The following CDH8 variants were observed in gnomAD, a reference collection of about 807,000 sequenced individuals.
The protein encoded by CDH8 is cadherin-8.
Under a neutral mutation model 68.1 loss-of-function variants are expected in CDH8, and 17 were observed. The ratio of observed to expected loss-of-function variants is 0.25; its 90% CI spans 0.17 to 0.37. The LOEUF is 0.37. Ranked by LOEUF, CDH8 falls within the 10% of genes least tolerant of loss-of-function variation. The probability of loss-of-function intolerance (pLI) is 1.00; values close to 1 mark genes in which losing one functional copy is unlikely to be tolerated. For synonymous variants in CDH8, 372 were observed against 365.1 expected (o/e 1.02, Z -0.21); for missense variants, 763 against 999.3 (o/e 0.76, Z 3.19).
rs2150594577 is a variant in CDH8 at position 61,998,467 on chromosome 16, G to A, written c.252+22685C>T. On this transcript the variant is annotated intron_variant, in intron 2 of 11. Transcript: ENST00000577390. ...GGAAGAATTGGGTATTTTAACATAGGACTGTTTGCATCCAAGACTCTTCGA... is the reference window on the plus strand; with the variant it reads ...GGAAGAATTGGGTATTTTAACATAGAACTGTTTGCATCCAAGACTCTTCGA... Among the ~76,000 whole-genome samples, 3 of 152,230 alleles carry A rather than the reference G, an allele frequency of 2.0e-5. No homozygotes were observed. The Middle Eastern group carries it at 0.01, about 518-fold the overall frequency.
chr16:61,977,772 C>T (rs375065305), intron 2 of CDH8, among the ~76,000 whole-genome samples: 5 of 152,058 alleles, frequency 3.3e-5, no homozygotes, highest in African/African-American at 9.7e-5. Context: ...ATTGGATAAA[C>T]GATGTCCAAA....
At chr16:61,769,347 A>G (rs1320587140) in intron 8 of CDH8, among the ~76,000 whole-genome samples, 1 of 151,868 alleles carries the variant, frequency 6.6e-6, no homozygotes, top group African/African-American at 2.4e-5. Context: ...TACATGCATT[A>G]TACAACAACA....
At chr16:61,886,188 A>G (rs1305681050) in intron 3 of CDH8, among the ~76,000 whole-genome samples, 1 of 152,210 alleles carries the variant, frequency 6.6e-6, no homozygotes, top group Non-Finnish European at 1.5e-5. Context: ...GTTTGAAGAT[A>G]TCTACTACCT....
chr16:61,847,068 A>G (rs1433955060), intron 4 of CDH8, among the ~76,000 whole-genome samples: 1 of 152,102 alleles, frequency 6.6e-6, no homozygotes, highest in Non-Finnish European at 1.5e-5. Flanking sequence ...CATTTTTGAA[A>G]TCCAGCATCT....
chr16:61,725,016 A>G (rs1959308355), intron 9 of CDH8: 1 of 150,908 alleles, frequency 6.6e-6, no homozygotes, highest in African/African-American at 2.4e-5. Flanking sequence ...TCAGTCAGCC[A>G]TATGTCCAAA....
intron 2 of CDH8, among the ~76,000 whole-genome samples, chr16:61,924,258 G>A (rs1235972809): frequency 1.3e-5 from 2 of 151,936 alleles, no homozygotes; most frequent in African/African-American, 4.8e-5. Context: ...AACATTTTTT[G>A]GGACTTTTGA....
intron 2 of CDH8, among the ~76,000 whole-genome samples, chr16:61,950,584 T>G (rs1964878233): frequency 6.6e-6 from 1 of 152,206 alleles, no homozygotes; most frequent in South Asian, 2.1e-4. Flanking sequence ...GTCTTAACTT[T>G]CCTTTGAAAA....
chr16:61,660,520 G>A (rs1016874476), intron 10 of CDH8, among the ~76,000 whole-genome samples: 5 of 151,858 alleles, frequency 3.3e-5, no homozygotes, highest in Non-Finnish European at 1.5e-5. Flanking sequence ...TAGGGGAAGA[G>A]AAGGAGAAAG....
At chr16:61,659,821 C>T (rs1963521629) in intron 10 of CDH8, among the ~76,000 whole-genome samples, 1 of 152,122 alleles carries the variant, frequency 6.6e-6, no homozygotes, top group African/African-American at 2.4e-5. Context: ...GCCTCTGGAG[C>T]CCACTTGGGT....
chr16:61,901,168 A>G lies in CDH8; in HGVS notation c.547+11T>C. Reference sequence around the variant, plus strand: ...CTTTTAATAGATCTGTGAAATTGGAAGCATACATACCCAAAATGGACATTT... The same window carrying G: ...CTTTTAATAGATCTGTGAAATTGGAGGCATACATACCCAAAATGGACATTT... On this transcript the variant is annotated intron_variant, in intron 3 of 11. Coordinates refer to ENST00000577390, the MANE Select transcript of CDH8 (RefSeq NM_001796.5). 2 of 1,608,190 alleles carry G rather than the reference A, an allele frequency of 1.2e-6. No individual in the cohort carries two copies. Among genetic ancestry groups the G allele is most frequent in the Non-Finnish European group, 1.7e-6 (2 of 1,176,660 alleles).
intron 5 of CDH8, among the ~76,000 whole-genome samples, chr16:61,824,548 G>A (rs537987311): frequency 6.6e-6 from 1 of 152,002 alleles, no homozygotes; most frequent in African/African-American, 2.4e-5. Flanking sequence ...GCAGGGAAGA[G>A]TGGAGTCTTA....
intron 8 of CDH8, among the ~76,000 whole-genome samples, chr16:61,768,586 T>C (rs1567461568): frequency 6.6e-6 from 1 of 151,580 alleles, no homozygotes; most frequent in Non-Finnish European, 1.5e-5. Context: ...GGCAACCTTA[T>C]TTGGTGAGAC....
At chr16:61,783,028 GC>G (rs1961126513) in intron 8 of CDH8, among the ~76,000 whole-genome samples, 1 of 149,178 alleles carries the variant, frequency 6.7e-6, no homozygotes, top group African/African-American at 2.5e-5. Context: ...AACGCAGAGC[GC>G]CTCTCCTCCT....
intron 2 of CDH8, among the ~76,000 whole-genome samples, chr16:61,957,466 T>C (rs1029144371): frequency 6.6e-6 from 1 of 152,206 alleles, no homozygotes; most frequent in African/African-American, 2.4e-5. Flanking sequence ...CACTAGTTAA[T>C]GTGACTTCAA....
chr16:61,789,226 A>G (rs566009165), intron 8 of CDH8, 120 bp downstream of exon 8: 2 of 833,546 alleles, frequency 2.4e-6, no homozygotes, highest in Admixed American at 5.3e-5. Context: ...CCTTGGGAAC[A>G]ATCAAATAAG....
chr16:61,763,178 C>T (rs1960509988), intron 8 of CDH8, among the ~76,000 whole-genome samples: 1 of 152,126 alleles, frequency 6.6e-6, no homozygotes, highest in African/African-American at 2.4e-5. Context: ...TAGCACTGTG[C>T]AAAACTGCCC....
chr16:61,847,031 A>T (rs566202029), intron 4 of CDH8, among the ~76,000 whole-genome samples: 1 of 152,220 alleles, frequency 6.6e-6, no homozygotes, highest in South Asian at 2.1e-4. Context: ...ATGACAAAAG[A>T]TATATTCTAA....
At position 61,950,136 on chromosome 16, in the gene CDH8, G is replaced by A. The variant is rs368064370; in HGVS notation, c.253-48663C>T. On this transcript the variant is annotated intron_variant, in intron 2 of 11. Transcript: ENST00000577390. ...AATGAGGTTGTACAGCAAAATTATC[G>A]ATAAAGCACTTTCTGTCTATAAAGG... Among the ~76,000 whole-genome samples the A allele has an allele frequency of 7.9e-5, 12 of 152,222 alleles. No individual in the cohort carries two copies. The East Asian group carries it at 9.7e-4, about 12-fold the overall frequency.
At chr16:61,793,495 T>C (rs1389308617) in intron 7 of CDH8, among the ~76,000 whole-genome samples, 1 of 151,976 alleles carries the variant, frequency 6.6e-6, no homozygotes, top group African/African-American at 2.4e-5. Flanking sequence ...TAAGTGAGTA[T>C]ATGTGGTATT....
Sources: allele counts gnomAD v4.1 joint callset (sites outside exome capture counted in the v4.1 genomes callset), GRCh38; gene constraint gnomAD v4.1.1; transcripts MANE v1.5; gene names NCBI Gene and HGNC (gene_info 2026-07-23, HGNC 2026-07-21).